The following TPM2 variants were observed in gnomAD, a reference collection of about 807,000 sequenced individuals.
TPM2 encodes tropomyosin 2, also known as tropomyosin beta chain.
A neutral mutation model predicts 41.0 loss-of-function variants in TPM2; 26 were observed. The observed-to-expected ratio is 0.63, with a 90% CI of 0.46 to 0.88. TPM2 has a LOEUF of 0.88. Ranked by LOEUF, TPM2 falls within the 40% of genes least tolerant of loss-of-function variation. The pLI, the probability that TPM2 is intolerant of heterozygous loss-of-function variation, is 0.00. For missense variants in TPM2, 187 were observed against 355.2 expected (o/e 0.53, Z 3.81); for synonymous variants, 143 against 139.3 (o/e 1.03, Z -0.19).
chr9:35,689,551 T>C (rs1563932151), intron 1 of TPM2, 153 bp downstream of exon 1: 1 of 892,432 alleles, frequency 1.1e-6, no homozygotes, highest in South Asian at 5.1e-5. Context: ...GAAGCGGCTC[T>C]GGCGAAGGCC....
chr9:35,684,084 C>A (rs1489007715), intron 8 of TPM2, 162 bp downstream of exon 8: 2 of 716,250 alleles, frequency 2.8e-6, no homozygotes, highest in East Asian at 5.4e-5. Flanking sequence ...TGGGCAGCTA[C>A]AATTACTTGA....
intron 5 of TPM2, 67 bp from the exon 6 acceptor site, chr9:35,684,874 C>T: frequency 6.2e-7 from 1 of 1,613,442 alleles, no homozygotes; most frequent in Non-Finnish European, 8.5e-7. Context: ...GTGGAGATGG[C>T]ACAGCAGGGG....
intron 2 of TPM2, among the ~76,000 whole-genome samples, chr9:35,687,395 C>T (rs1465787107): frequency 6.6e-6 from 1 of 151,794 alleles, no homozygotes; most frequent in African/African-American, 2.4e-5. Flanking sequence ...CTTTCTCTGT[C>T]AAAAACAAGG....
Position 35,684,824 on chromosome 9 carries a change from G to GT in TPM2, c.564-18_564-17insA, listed in dbSNP as rs1554658810. The GT allele has an allele frequency of 4.6e-5, 71 of 1,551,396 alleles. No homozygotes were observed. Among genetic ancestry groups the GT allele is most frequent in the Non-Finnish European group, 5.5e-5 (63 of 1,152,034 alleles). ...CCACATTTACTGCAGGGGGTGTGTG[G>GT]CGGGGGGGGCAGGGTGTGAGGGCAC... On this transcript the variant is annotated splice_polypyrimidine_tract_variant and intron_variant, in intron 5 of 8. Coordinates refer to ENST00000645482, the MANE Select transcript of TPM2 (RefSeq NM_003289.4).
rs60690047 is a variant in TPM2 at position 35,689,504 on chromosome 9, A to C, written c.114+200T>G. Among the ~76,000 whole-genome samples, 318 of 152,294 alleles carry C rather than the reference A, an allele frequency of 2.1e-3. 8 individuals are homozygous for C. The East Asian group carries it at 0.052, about 25-fold the overall frequency. On this transcript the variant is annotated intron_variant, in intron 1 of 8. Transcript: ENST00000645482. ...GCTCTGCAAAGGCAGAGTGGAAACC[A>C]GGGGCCTGGGGCTTCCCCAGGCTAT...
intron 2 of TPM2, 128 bp downstream of exon 2, chr9:35,689,018 T>C: frequency 8.7e-7 from 1 of 1,156,036 alleles, no homozygotes; most frequent in Admixed American, 1.8e-5. Flanking sequence ...GTTACTGAGA[T>C]GAAACCATTT....
In TPM2 at chr9:35,684,824, G is replaced by GC. The variant is rs776086128; in HGVS notation, c.564-18dup. On this transcript the variant is annotated splice_polypyrimidine_tract_variant and intron_variant, in intron 5 of 8. Coordinates refer to ENST00000645482, the MANE Select transcript of TPM2 (RefSeq NM_003289.4). ...CCACATTTACTGCAGGGGGTGTGTG[G>GC]CGGGGGGGGCAGGGTGTGAGGGCAC... 170 of 1,551,448 alleles carry GC rather than the reference G, an allele frequency of 1.1e-4. 1 individual carries two copies. In the African/African-American group the frequency reaches 2.5e-3, roughly 23 times the overall value.
chr9:35,683,317 A>C (rs1587953205), intron 8 of TPM2, 76 bp from the exon 9 acceptor site: 1 of 1,385,576 alleles, frequency 7.2e-7, no homozygotes, highest in East Asian at 2.5e-5. Flanking sequence ...GGAAGGAGAG[A>C]GAGCAATGGA....
chr9:35,682,225 G>A, downstream of TPM2: 1 of 1,559,096 alleles, frequency 6.4e-7, no homozygotes, highest in Non-Finnish European at 8.8e-7. Context: ...TGGGGAGGCA[G>A]GGCCAGGGGA....
Position 35,683,207 on chromosome 9 carries a change from G to A in TPM2, c.807C>T (p.Ala269=). ...GTGCGTTGTCCAGTTCCTCGCTAAT[G>A]GCCTTGTACTTCATCTTCTGGGCAT... ...EVYAQKMKYK[A]ISEELDNALN... The change falls in exon 9 of 9, where the codon GCC becomes GCT. Residue 269 remains alanine, a synonymous_variant. Coordinates refer to ENST00000645482, the MANE Select transcript of TPM2 (RefSeq NM_003289.4). The A allele has an allele frequency of 6.4e-7, 1 of 1,556,084 alleles. No homozygotes were observed. Among genetic ancestry groups the A allele is most frequent in the East Asian group, 2.4e-5 (1 of 41,560 alleles).
chr9:35,690,036 C>A (rs910785894), upstream of TPM2: 30 of 1,375,536 alleles, frequency 2.2e-5, 1 homozygote, highest in South Asian at 3.0e-4. Context: ...GAAGCACGGC[C>A]CGGCCGGGGG....
chr9:35,683,276 T>A, intron 8 of TPM2, 35 bp from the exon 9 acceptor site: 1 of 1,536,118 alleles, frequency 6.5e-7, no homozygotes, highest in Non-Finnish European at 8.8e-7. Context: ...CAGGTGGGAG[T>A]GTGGGAAAGG....
At chr9:35,682,390 G>T, downstream of TPM2, 1 of 1,083,758 alleles carries the variant, frequency 9.2e-7, no homozygotes, top group East Asian at 2.6e-5. Flanking sequence ...TAGAGGTGGG[G>T]TGGGGAGGGC....
At chr9:35,682,442 G>A (rs1824617581), downstream of TPM2, 2 of 1,296,054 alleles carry the variant, frequency 1.5e-6, no homozygotes, top group Non-Finnish European at 2.0e-6. Context: ...GAAGGTTTAA[G>A]GAAGTTGGAG....
downstream of TPM2, chr9:35,682,759 C>T (rs555359280): frequency 2.4e-5 from 31 of 1,319,136 alleles, no homozygotes; most frequent in Admixed American, 6.9e-5. Flanking sequence ...AATCAGAGAG[C>T]GACAGCCAGG....
chr9:35,683,242 C>CGG lies in TPM2; in HGVS notation c.773-2_773-1insCC, dbSNP rs1824676431. On this transcript the variant is annotated splice_acceptor_variant, in intron 8 of 8. Coordinates refer to ENST00000645482, the MANE Select transcript of TPM2 (RefSeq NM_003289.4). LOFTEE classifies it high-confidence loss of function. ...TTCATCTTCTGGGCATAGACTTCAT[C>CGG]TGGGGGGGGTCCAGGGAGGGGACCA... 5.5e-6 allele frequency: 8 copies of CGG among 1,457,956 alleles called. No homozygotes were observed. The highest frequency in any genetic ancestry group is 1.6e-5 in the African/African-American group (1 of 61,980). The allele number at this position is 1,457,956 out of a possible 1,614,324, so 90.3% of individuals were successfully genotyped here. A position where few individuals can be genotyped will look rare whatever the true frequency, so the allele number is the denominator to read the frequency against.
chr9:35,684,174 A>G lies in TPM2; in HGVS notation c.772+72T>C, dbSNP rs1587954738. The G allele has an allele frequency of 4.0e-6, 6 of 1,511,544 alleles. No homozygotes were observed. In the East Asian group the frequency reaches 1.1e-4, roughly 28 times the overall value. 93.6% of individuals were successfully genotyped at this position (1,511,544 alleles called of 1,614,324 possible). ...CCCTAGTTTATTGGTGGCAAATAAA[A>G]TGGGATGAGAAGGTACAGGACAGAC... On this transcript the variant is annotated intron_variant, in intron 8 of 8. Transcript: ENST00000645482.
chr9:35,686,272 C>G (rs941572037), intron 2 of TPM2: 17 of 249,696 alleles, frequency 6.8e-5, no homozygotes, highest in African/African-American at 3.7e-4. Context: ...AAAATACATG[C>G]ATTCCTTGCT....
intron 1 of TPM2, 100 bp downstream of exon 1, chr9:35,689,604 A>G (rs1362755555): frequency 6.3e-7 from 1 of 1,589,314 alleles, no homozygotes; most frequent in Non-Finnish European, 8.5e-7. Context: ...TGGGTGAGAG[A>G]GAGCCTTGGC....
Sources: allele counts gnomAD v4.1 joint callset (sites outside exome capture counted in the v4.1 genomes callset), GRCh38; gene constraint gnomAD v4.1.1; transcripts MANE v1.5; gene names NCBI Gene and HGNC (gene_info 2026-07-23, HGNC 2026-07-21).